The following DTWD2 variants were observed in gnomAD, a reference collection of about 807,000 sequenced individuals.
The protein encoded by DTWD2 is tRNA-uridine aminocarboxypropyltransferase 2.
In DTWD2, 39 loss-of-function variants were observed where a neutral mutation model predicts 31.8. That is an observed-to-expected ratio of 1.22 (90% CI 0.95 to 1.60). The LOEUF (loss-of-function observed/expected upper bound fraction) is 1.60, where lower values mean the gene tolerates loss of function less well. Ranked by LOEUF, DTWD2 falls within the 40% of genes most tolerant of loss-of-function variation. The probability of loss-of-function intolerance (pLI) is 0.00; values close to 1 mark genes in which losing one functional copy is unlikely to be tolerated. For missense variants in DTWD2, 515 were observed against 381.5 expected (o/e 1.35, Z -2.92); for synonymous variants, 180 against 142.8 (o/e 1.26, Z -1.86).
chr5:118,883,877 T>C (rs535446166), intron 4 of DTWD2, among the ~76,000 whole-genome samples: 104 of 152,244 alleles, frequency 6.8e-4, no homozygotes, highest in African/African-American at 2.4e-3. Flanking sequence ...AGAAAATAAA[T>C]AAAGCTAACA....
intron 4 of DTWD2, among the ~76,000 whole-genome samples, chr5:118,894,957 G>A (rs1312540383): frequency 6.6e-6 from 1 of 152,002 alleles, no homozygotes; most frequent in Admixed American, 6.5e-5. Context: ...AACAAGACAA[G>A]AAAGCACATT....
chr5:118,976,573 T>A (rs1054351662), intron 1 of DTWD2, among the ~76,000 whole-genome samples: 2 of 152,146 alleles, frequency 1.3e-5, no homozygotes, highest in Non-Finnish European at 2.9e-5. Flanking sequence ...TCTACACACA[T>A]AAACTAGAAA....
At chr5:118,850,795 A>G (rs1007211403) in intron 4 of DTWD2, among the ~76,000 whole-genome samples, 3 of 152,214 alleles carry the variant, frequency 2.0e-5, no homozygotes, top group Non-Finnish European at 4.4e-5. Flanking sequence ...TCCAGAATCT[A>G]CAAGAAGCTT....
intron 4 of DTWD2, among the ~76,000 whole-genome samples, chr5:118,907,593 T>TG (rs1753363134): frequency 3.9e-5 from 6 of 152,224 alleles, no homozygotes; most frequent in Admixed American, 3.3e-4. Flanking sequence ...TAGCCAGGCA[T>TG]GGTGGCACAT....
chr5:118,850,518 A>T (rs1009462764), intron 4 of DTWD2, among the ~76,000 whole-genome samples: 1 of 147,526 alleles, frequency 6.8e-6, no homozygotes, highest in Non-Finnish European at 1.5e-5. Context: ...AAATTAATTC[A>T]AGATGGATTA....
At chr5:118,926,501 T>C (rs1330337873) in intron 4 of DTWD2, among the ~76,000 whole-genome samples, 7 of 152,068 alleles carry the variant, frequency 4.6e-5, no homozygotes, top group Non-Finnish European at 1.0e-4. Context: ...AATTCATCCA[T>C]GTAACCAAAA....
intron 5 of DTWD2, among the ~76,000 whole-genome samples, chr5:118,844,436 A>G (rs140262132): frequency 1.8e-4 from 27 of 152,324 alleles, no homozygotes; most frequent in African/African-American, 6.5e-4. Context: ...ACTATCTTTT[A>G]GTTCAGACTT....
At chr5:118,964,888 TGCCTGGCC>T (rs1005897040) in intron 1 of DTWD2, among the ~76,000 whole-genome samples, 3 of 152,060 alleles carry the variant, frequency 2.0e-5, no homozygotes, top group African/African-American at 7.2e-5. Context: ...GGAGCATCTC[TGCCTGGCC>T]GCCCATCGTC....
intron 4 of DTWD2, among the ~76,000 whole-genome samples, chr5:118,914,046 C>T (rs1381489738): frequency 6.6e-6 from 1 of 152,086 alleles, no homozygotes; most frequent in Non-Finnish European, 1.5e-5. Flanking sequence ...GATTTTGTCT[C>T]ACTGACCTTA....
At chr5:118,905,639 G>A (rs369725242) in intron 4 of DTWD2, among the ~76,000 whole-genome samples, 117 of 152,080 alleles carry the variant, frequency 7.7e-4, no homozygotes, top group Middle Eastern at 3.4e-3. Flanking sequence ...TGGTTGTCTC[G>A]TTTCAAAAGT....
chr5:118,952,354 G>C (rs1465172530), intron 1 of DTWD2, among the ~76,000 whole-genome samples: 1 of 152,148 alleles, frequency 6.6e-6, no homozygotes. Context: ...TAATCACCTG[G>C]GTGCAGGCAG....
chr5:118,961,975 C>T (rs1278906200), intron 1 of DTWD2, among the ~76,000 whole-genome samples: 1 of 152,198 alleles, frequency 6.6e-6, no homozygotes, highest in African/African-American at 2.4e-5. Context: ...GGCGCAGTGG[C>T]TCATGCCGGT....
intron 1 of DTWD2, among the ~76,000 whole-genome samples, chr5:118,987,634 G>A: frequency 6.6e-6 from 1 of 152,166 alleles, no homozygotes; most frequent in East Asian, 1.9e-4. Flanking sequence ...TCCGTATCCA[G>A]TAAGAGAATA....
rs142807835 is a variant in DTWD2, at chr5:118,900,761, T to C, written c.597+27776A>G. 1.5e-3 allele frequency among the ~76,000 whole-genome samples: 231 copies of C among 151,818 alleles called. 1 individual carries two copies. Among genetic ancestry groups the C allele is most frequent in the African/African-American group, 5.5e-3 (227 of 41,406 alleles). On this transcript the variant is annotated intron_variant, in intron 4 of 5. Transcript: ENST00000510708. ...CTAACATGGTGAAACCCCGTCCTAC[T>C]AAAAACACAAAAAATTAGCCAGGCG...
At chr5:118,858,313 T>G (rs1287955226) in intron 4 of DTWD2, among the ~76,000 whole-genome samples, 2 of 152,198 alleles carry the variant, frequency 1.3e-5, no homozygotes, top group African/African-American at 4.8e-5. Context: ...GAAAAGAATA[T>G]CTATATTCAG....
rs546281386 is a variant in DTWD2, at chr5:118,957,049, T to TATA, written c.219-12403_219-12401dup. 4.1e-3 allele frequency among the ~76,000 whole-genome samples: 628 copies of TATA among 152,260 alleles called. 4 individuals are homozygous for TATA. The highest frequency in any genetic ancestry group is 4.5e-3 in the Non-Finnish European group (304 of 68,032). On this transcript the variant is annotated intron_variant, in intron 1 of 5. Transcript: ENST00000510708. Reference sequence around the variant, plus strand: ...AGAAATAGCTTTACATGATTAACATTATAATACATTTTCATCTCCAAAACA... The same window carrying TATA: ...AGAAATAGCTTTACATGATTAACATTATAATAATACATTTTCATCTCCAAAACA...
intron 5 of DTWD2, among the ~76,000 whole-genome samples, chr5:118,843,487 A>G (rs1339465241): frequency 6.6e-6 from 1 of 152,294 alleles, no homozygotes; most frequent in Middle Eastern, 3.4e-3. Context: ...AATGAGGAAA[A>G]TAAGAGAGGG....
chr5:118,876,533 A>G (rs1752625683), intron 4 of DTWD2, among the ~76,000 whole-genome samples: 1 of 152,216 alleles, frequency 6.6e-6, no homozygotes, highest in Non-Finnish European at 1.5e-5. Context: ...AAATACAATC[A>G]GAAACGACAA....
At chr5:118,871,585 C>T (rs1361347843) in intron 4 of DTWD2, among the ~76,000 whole-genome samples, 6 of 152,116 alleles carry the variant, frequency 3.9e-5, no homozygotes, top group Admixed American at 1.3e-4. Context: ...AGATCTCTTG[C>T]GTGAACAGTA....
Sources: gnomAD v4.1 joint callset for allele counts (sites outside exome capture counted in the v4.1 genomes callset) on GRCh38, gnomAD v4.1.1 for gene constraint, MANE v1.5 for transcripts, NCBI Gene and HGNC (gene_info 2026-07-23, HGNC 2026-07-21) for gene names.